HTR2C: variants seen among roughly 807,000 people sequenced by gnomAD.
The protein encoded by HTR2C is 5-hydroxytryptamine (serotonin) receptor 2C, G protein-coupled.
In HTR2C, 5 loss-of-function variants were observed where a neutral mutation model predicts 21.0. The observed-to-expected ratio is 0.24, with a 90% CI of 0.12 to 0.50. The LOEUF is 0.50. Ranked by LOEUF, HTR2C falls within the 20% of genes least tolerant of loss-of-function variation. HTR2C has a pLI of 0.98. For missense variants in HTR2C, 271 were observed against 371.2 expected (o/e 0.73, Z 2.22); for synonymous variants, 150 against 145.3 (o/e 1.03, Z -0.23).
At chrX:114,711,834 G>A (rs1932896644) in intron 2 of HTR2C, among the ~76,000 whole-genome samples, 1 of 111,689 alleles carries the variant, frequency 9.0e-6, no homozygotes, top group Non-Finnish European at 1.9e-5. Context: ...AAAGTAGGTG[G>A]ACATTAACTG....
chrX:114,799,494 A>G (rs888717422), intron 4 of HTR2C, among the ~76,000 whole-genome samples: 25 of 110,818 alleles, frequency 2.3e-4, no homozygotes, highest in Middle Eastern at 4.3e-3. Context: ...AATTACTTTA[A>G]TTACAAAAAA....
intron 4 of HTR2C, among the ~76,000 whole-genome samples, chrX:114,769,069 G>T (rs1443470273): frequency 1.8e-5 from 2 of 110,246 alleles, no homozygotes; most frequent in Non-Finnish European, 3.8e-5. Flanking sequence ...GTACACAAAG[G>T]TGATAGTTAA....
At chrX:114,667,254 C>G (rs1931211131) in intron 2 of HTR2C, among the ~76,000 whole-genome samples, 1 of 110,661 alleles carries the variant, frequency 9.0e-6, no homozygotes, top group Non-Finnish European at 1.9e-5. Flanking sequence ...TTATGCAGAG[C>G]TCTAATTTTA....
rs191944875 is a variant in HTR2C, at chrX:114,887,747, C to T, written c.551-18842C>T. Among the ~76,000 whole-genome samples, 602 of 110,821 alleles carry T rather than the reference C, an allele frequency of 5.4e-3. 5 individuals carry two copies. The highest frequency in any genetic ancestry group is 0.019 in the African/African-American group (577 of 30,517). On this transcript the variant is annotated intron_variant, in intron 5 of 5. Transcript: ENST00000276198. ...GATTAAAAGCCAGCTGTTGGCCGGG[C>T]GCGGTGCCTCATGCCTGTAATCCCA...
At chrX:114,604,665 C>T (rs184469599) in intron 1 of HTR2C, among the ~76,000 whole-genome samples, 8 of 110,899 alleles carry the variant, frequency 7.2e-5, no homozygotes, top group African/African-American at 2.0e-4. Flanking sequence ...TTAAACAGTC[C>T]GATTTTCAGT....
At chrX:114,630,850 G>A (rs144225158) in intron 2 of HTR2C, 318 of 370,464 alleles carry the variant, frequency 8.6e-4, no homozygotes, top group Non-Finnish European at 1.3e-3. Context: ...GGCATCAAGC[G>A]GTGCAAAAGC....
intron 2 of HTR2C, chrX:114,715,282 CTG>C: frequency 2.6e-6 from 1 of 385,216 alleles, no homozygotes; most frequent in Non-Finnish European, 5.2e-6. Context: ...TCCAAGTACC[CTG>C]TGTTATTTGG....
intron 5 of HTR2C, among the ~76,000 whole-genome samples, chrX:114,886,554 A>C (rs2071221557): frequency 1.8e-5 from 2 of 110,746 alleles, no homozygotes; most frequent in South Asian, 7.6e-4. Context: ...TCTTATCAGA[A>C]TCAGCTTCAT....
intron 4 of HTR2C, among the ~76,000 whole-genome samples, chrX:114,825,310 G>A (rs181013002): frequency 5.0e-4 from 56 of 111,020 alleles, no homozygotes; most frequent in African/African-American, 1.7e-3. Flanking sequence ...ATTTTAGTAC[G>A]TTTTGTTTTC....
chrX:114,655,881 GC>G (rs1292204174), intron 2 of HTR2C, among the ~76,000 whole-genome samples: 2 of 110,951 alleles, frequency 1.8e-5, no homozygotes, highest in Non-Finnish European at 3.8e-5. Flanking sequence ...TCCCATCCTG[GC>G]TTTCTTCATA....
chrX:114,836,904 C>G (rs1316698369), intron 4 of HTR2C, among the ~76,000 whole-genome samples: 1 of 111,426 alleles, frequency 9.0e-6, no homozygotes, highest in Non-Finnish European at 1.9e-5. Flanking sequence ...TTCATTTTTC[C>G]TTTTAAGTCC....
At chrX:114,672,093 A>G (rs1331562551) in intron 2 of HTR2C, among the ~76,000 whole-genome samples, 2 of 112,301 alleles carry the variant, frequency 1.8e-5, no homozygotes, top group Non-Finnish European at 3.8e-5. Flanking sequence ...ATAAACAAGA[A>G]GAATAGCAGA....
At chrX:114,726,059 G>C (rs1170418334) in intron 2 of HTR2C, among the ~76,000 whole-genome samples, 4 of 111,966 alleles carry the variant, frequency 3.6e-5, no homozygotes, top group African/African-American at 1.3e-4. Flanking sequence ...CGAGCTTCCG[G>C]GCTGCTTTGT....
chrX:114,708,656 A>T (rs1401089624), intron 2 of HTR2C, among the ~76,000 whole-genome samples: 1 of 110,605 alleles, frequency 9.0e-6, no homozygotes, highest in Non-Finnish European at 1.9e-5. Flanking sequence ...ATTTTTTTTA[A>T]ATCAACCAGG....
intron 4 of HTR2C, among the ~76,000 whole-genome samples, chrX:114,802,326 A>C (rs1272541297): frequency 9.0e-6 from 1 of 111,257 alleles, no homozygotes; most frequent in African/African-American, 3.3e-5. Flanking sequence ...AGCTAGCTGC[A>C]AAGTTCAATC....
intron 4 of HTR2C, among the ~76,000 whole-genome samples, chrX:114,747,051 G>T (rs2069713022): frequency 9.0e-6 from 1 of 111,634 alleles, no homozygotes; most frequent in Non-Finnish European, 1.9e-5. Flanking sequence ...GTGAGTGCCT[G>T]TAACCCCATC....
chrX:114,809,277 C>T (rs2070508462), intron 4 of HTR2C, among the ~76,000 whole-genome samples: 2 of 111,185 alleles, frequency 1.8e-5, no homozygotes, highest in African/African-American at 6.5e-5. Context: ...ATGGCCGCCA[C>T]CACCCCATGC....
intron 5 of HTR2C, among the ~76,000 whole-genome samples, chrX:114,855,419 C>A (rs1282086840): frequency 1.8e-5 from 2 of 111,081 alleles, no homozygotes; most frequent in African/African-American, 3.3e-5. Context: ...AAATCATATA[C>A]GTTGATAATC....
intron 4 of HTR2C, among the ~76,000 whole-genome samples, chrX:114,841,829 G>A (rs1207250709): frequency 8.9e-6 from 1 of 112,044 alleles, no homozygotes; most frequent in African/African-American, 3.2e-5. Flanking sequence ...AGACTATCAT[G>A]AAAATGGCAA....
Sources: allele counts gnomAD v4.1 joint callset (sites outside exome capture counted in the v4.1 genomes callset), GRCh38; gene constraint gnomAD v4.1.1; transcripts MANE v1.5; gene names NCBI Gene and HGNC (gene_info 2026-07-23, HGNC 2026-07-21).